CFAP90: variants seen among roughly 807,000 people sequenced by gnomAD.
CFAP90 encodes cilia- and flagella-associated protein 90.
At chr5:7,838,472 C>T in the CFAP90 span, among the ~76,000 whole-genome samples, 1 of 152,176 alleles carries the variant, frequency 6.6e-6, no homozygotes, top group African/African-American at 2.4e-5. Context: ...CCCAGTAACA[C>T]ACAGGAAGCC....
the CFAP90 span, among the ~76,000 whole-genome samples, chr5:7,848,894 C>T: frequency 4.6e-4 from 70 of 152,322 alleles, 2 homozygotes; most frequent in East Asian, 0.013. Flanking sequence ...CTGAGTCCTT[C>T]CCAGCCATGC....
chr5:7,832,136 C>T, the CFAP90 span: 1 of 1,136,454 alleles, frequency 8.8e-7, no homozygotes, highest in Non-Finnish European at 1.3e-6. Flanking sequence ...GCCTGGGTCC[C>T]ACCATGGTAG....
At chr5:7,851,008 T>C in the CFAP90 span, 3,781 of 1,266,096 alleles carry the variant, frequency 3.0e-3, 12 homozygotes, top group African/African-American at 5.3e-3. Flanking sequence ...GGTCTCCTCC[T>C]CGTCGTCCTC....
At chr5:7,849,480 C>T in the CFAP90 span, among the ~76,000 whole-genome samples, 19,798 of 152,222 alleles carry the variant, frequency 0.13, 1,373 homozygotes, top group Middle Eastern at 0.17. Flanking sequence ...AGACCTGTCC[C>T]AGTTACGCCT....
At chr5:7,838,362 T>A in the CFAP90 span, among the ~76,000 whole-genome samples, 1 of 152,170 alleles carries the variant, frequency 6.6e-6, no homozygotes, top group African/African-American at 2.4e-5. Context: ...GATAGAGAAA[T>A]CTCGATATCT....
At chr5:7,850,982 G>A in the CFAP90 span, 2 of 1,301,802 alleles carry the variant, frequency 1.5e-6, no homozygotes. Flanking sequence ...GGCTTGCCCC[G>A]CAGCGTGGAC....
At chr5:7,840,210 G>A in the CFAP90 span, among the ~76,000 whole-genome samples, 9 of 152,240 alleles carry the variant, frequency 5.9e-5, no homozygotes, top group African/African-American at 2.2e-4. Flanking sequence ...TTAAAATGTA[G>A]CATGGCCTTA....
the CFAP90 span, among the ~76,000 whole-genome samples, chr5:7,841,682 GGATGGA>G: frequency 6.6e-6 from 1 of 152,126 alleles, no homozygotes; most frequent in African/African-American, 2.4e-5. Context: ...TCAGGGACAT[GGATGGA>G]GCTGGAGGCC....
At chr5:7,836,865 G>A in the CFAP90 span, among the ~76,000 whole-genome samples, 1 of 152,022 alleles carries the variant, frequency 6.6e-6, no homozygotes, top group Non-Finnish European at 1.5e-5. Context: ...AGACAAGATT[G>A]AGAGACAAGA....
chr5:7,833,772 G>A, the CFAP90 span, among the ~76,000 whole-genome samples: 3 of 151,992 alleles, frequency 2.0e-5, no homozygotes, highest in Non-Finnish European at 4.4e-5. Flanking sequence ...ATATTAAGTT[G>A]GTGCAAAAGT....
the CFAP90 span, among the ~76,000 whole-genome samples, chr5:7,845,837 T>C: frequency 6.6e-6 from 1 of 151,908 alleles, no homozygotes; most frequent in Non-Finnish European, 1.5e-5. Context: ...GAGGCATTAC[T>C]GGGGCTTTAA....
the CFAP90 span, among the ~76,000 whole-genome samples, chr5:7,846,398 G>A: frequency 6.6e-6 from 1 of 152,210 alleles, no homozygotes; most frequent in South Asian, 2.1e-4. Context: ...GGTTCTCAAG[G>A]TTGGGCAGTC....
At chr5:7,836,263 T>C in the CFAP90 span, among the ~76,000 whole-genome samples, 7 of 152,218 alleles carry the variant, frequency 4.6e-5, no homozygotes, top group African/African-American at 7.2e-5. Flanking sequence ...TTGTCTTGTG[T>C]TCTCAAATTC....
chr5:7,837,031 A>AT, the CFAP90 span, among the ~76,000 whole-genome samples: 2 of 152,080 alleles, frequency 1.3e-5, no homozygotes, highest in South Asian at 4.2e-4. Flanking sequence ...AGATAAAAGT[A>AT]TTTTTTCTTT....
At chr5:7,831,663 C>A in the CFAP90 span, 1 of 556,486 alleles carries the variant, frequency 1.8e-6, no homozygotes, top group South Asian at 2.6e-5. Flanking sequence ...GGTCAGGCTC[C>A]TAACCCAGCA....
At chr5:7,845,742 G>A in the CFAP90 span, among the ~76,000 whole-genome samples, 6 of 152,012 alleles carry the variant, frequency 3.9e-5, no homozygotes, top group African/African-American at 1.2e-4. Flanking sequence ...CAAAGCCCAC[G>A]CTACTAGAAC....
At chr5:7,842,985 C>A in the CFAP90 span, among the ~76,000 whole-genome samples, 11 of 152,166 alleles carry the variant, frequency 7.2e-5, no homozygotes, top group African/African-American at 2.7e-4. Context: ...CATAGCACAT[C>A]CTAGCCCACC....
the CFAP90 span, among the ~76,000 whole-genome samples, chr5:7,844,180 C>T: frequency 5.3e-5 from 8 of 152,164 alleles, no homozygotes; most frequent in East Asian, 1.5e-3. Flanking sequence ...AGCCCCATTC[C>T]CCCAAGCCCT....
chr5:7,850,765 C>T, the CFAP90 span: 2 of 1,146,740 alleles, frequency 1.7e-6, no homozygotes, highest in Non-Finnish European at 2.2e-6. Flanking sequence ...CTCCCCCGCC[C>T]CTCCGCGGCC....
Sources: allele counts gnomAD v4.1 joint callset (sites outside exome capture counted in the v4.1 genomes callset), GRCh38; gene constraint gnomAD v4.1.1; transcripts MANE v1.5; gene names NCBI Gene and HGNC (gene_info 2026-07-23, HGNC 2026-07-21).